Variants in CSMD1 observed in about 807,000 individuals in gnomAD.
CSMD1 encodes CUB and sushi domain-containing protein 1.
Under a neutral mutation model 417.5 loss-of-function variants are expected in CSMD1, and 213 were observed. The observed-to-expected ratio is 0.51, with a 90% CI of 0.46 to 0.57. The LOEUF is 0.57. Ranked by LOEUF, CSMD1 falls within the 20% of genes least tolerant of loss-of-function variation. CSMD1 has a pLI of 0.00. For synonymous variants in CSMD1, 2,862 were observed against 1,736.8 expected (o/e 1.65, Z -16.11); for missense variants, 6,923 against 4,529.7 (o/e 1.53, Z -15.17).
intron 4 of CSMD1, among the ~76,000 whole-genome samples, chr8:4,022,565 C>A (rs149351682): frequency 6.6e-6 from 1 of 152,102 alleles, no homozygotes; most frequent in African/African-American, 2.4e-5. Context: ...ACAGGGTGTG[C>A]ATTGAGGGCA....
chr8:3,943,423 TA>T (rs5889003), intron 5 of CSMD1, among the ~76,000 whole-genome samples: 34 of 137,166 alleles, frequency 2.5e-4, no homozygotes, highest in Admixed American at 6.6e-4. Context: ...TTTTTTTCAT[TA>T]AAAAAAAAAA....
intron 2 of CSMD1, among the ~76,000 whole-genome samples, chr8:4,587,495 AT>A (rs1799767124): frequency 6.6e-6 from 1 of 151,876 alleles, no homozygotes; most frequent in Non-Finnish European, 1.5e-5. Flanking sequence ...ACATATATGT[AT>A]ATATATATGC....
chr8:4,476,774 G>A (rs968008239), intron 2 of CSMD1, among the ~76,000 whole-genome samples: 5 of 152,094 alleles, frequency 3.3e-5, no homozygotes, highest in African/African-American at 7.2e-5. Context: ...GGATTAGATG[G>A]CACAGAGAGC....
At chr8:4,392,380 T>A (rs1803904745) in intron 3 of CSMD1, among the ~76,000 whole-genome samples, 2 of 152,006 alleles carry the variant, frequency 1.3e-5, no homozygotes, top group Admixed American at 1.3e-4. Context: ...AAAATAGAGA[T>A]TAAAATCAGA....
intron 2 of CSMD1, among the ~76,000 whole-genome samples, chr8:4,616,885 T>C (rs1344013476): frequency 6.6e-6 from 1 of 152,208 alleles, no homozygotes; most frequent in African/African-American, 2.4e-5. Flanking sequence ...TATAGTTTGT[T>C]TTACTCTTGC....
At chr8:3,501,706 TAAC>T (rs1310721116) in intron 10 of CSMD1, among the ~76,000 whole-genome samples, 1 of 152,174 alleles carries the variant, frequency 6.6e-6, no homozygotes, top group Non-Finnish European at 1.5e-5. Context: ...AAAAACATGA[TAAC>T]AAGTTTATGT....
chr8:3,783,008 A>G (rs932134277), intron 5 of CSMD1, among the ~76,000 whole-genome samples: 1 of 152,220 alleles, frequency 6.6e-6, no homozygotes, highest in African/African-American at 2.4e-5. Flanking sequence ...ACAACGTCCT[A>G]TAGCACATCG....
intron 32 of CSMD1, among the ~76,000 whole-genome samples, chr8:3,201,075 A>C (rs1796966575): frequency 6.6e-6 from 1 of 152,188 alleles, no homozygotes; most frequent in African/African-American, 2.4e-5. Context: ...TCTGTATGTG[A>C]TTTTAAGGGT....
intron 1 of CSMD1, among the ~76,000 whole-genome samples, chr8:4,701,387 C>A (rs927538385): frequency 3.3e-5 from 5 of 151,620 alleles, no homozygotes; most frequent in Admixed American, 6.6e-5. Flanking sequence ...CCTAACAGAG[C>A]ACCCAGGATG....
At chr8:3,911,356 A>G (rs959158941) in intron 5 of CSMD1, among the ~76,000 whole-genome samples, 17 of 151,016 alleles carry the variant, frequency 1.1e-4, no homozygotes, top group South Asian at 6.3e-4. Flanking sequence ...CTGAAACCCC[A>G]TCTCTACTAA....
chr8:4,697,282 G>T (rs1210053056), intron 1 of CSMD1, among the ~76,000 whole-genome samples: 1 of 152,114 alleles, frequency 6.6e-6, no homozygotes, highest in Non-Finnish European at 1.5e-5. Flanking sequence ...AAGACAAGAT[G>T]AAAACAAGAG....
At chr8:3,326,915 G>A (rs1197036665) in intron 23 of CSMD1, among the ~76,000 whole-genome samples, 1 of 152,042 alleles carries the variant, frequency 6.6e-6, no homozygotes, top group Non-Finnish European at 1.5e-5. Context: ...TTTTGCTCAT[G>A]CCTGTAATCT....
intron 6 of CSMD1, among the ~76,000 whole-genome samples, chr8:3,743,203 G>C (rs1796900602): frequency 6.6e-6 from 1 of 152,180 alleles, no homozygotes; most frequent in African/African-American, 2.4e-5. Flanking sequence ...CATGAATGCA[G>C]AGTGTTCTGC....
At chr8:2,964,431 G>C (rs1216673540) in intron 59 of CSMD1, among the ~76,000 whole-genome samples, 1 of 152,194 alleles carries the variant, frequency 6.6e-6, no homozygotes, top group Admixed American at 6.5e-5. Flanking sequence ...AGTTGGAAGA[G>C]ACCTGAGCTA....
intron 30 of CSMD1, among the ~76,000 whole-genome samples, chr8:3,211,546 C>A (rs1797607228): frequency 3.3e-5 from 5 of 152,192 alleles, no homozygotes. Flanking sequence ...CAGTTACATA[C>A]AGAATTAAGA....
At chr8:3,550,348 C>G (rs1455304935) in intron 10 of CSMD1, among the ~76,000 whole-genome samples, 1 of 152,276 alleles carries the variant, frequency 6.6e-6, no homozygotes, top group Middle Eastern at 3.4e-3. Context: ...CATTCCTACT[C>G]CAGGGCCTTG....
chr8:4,178,213 A>G (rs1016203484), intron 3 of CSMD1, among the ~76,000 whole-genome samples: 1 of 152,206 alleles, frequency 6.6e-6, no homozygotes, highest in Non-Finnish European at 1.5e-5. Flanking sequence ...CCAGCAGCAC[A>G]TCAAAAAGCT....
At chr8:3,284,470 ACTGT>A in intron 25 of CSMD1, 124 bp from the exon 26 acceptor site, 1 of 685,900 alleles carries the variant, frequency 1.5e-6, no homozygotes, top group Non-Finnish European at 2.5e-6. Flanking sequence ...CTCGGTACTT[ACTGT>A]CTGACAATGA....
At chr8:3,224,726 G>C (rs995338030) in intron 27 of CSMD1, among the ~76,000 whole-genome samples, 13 of 152,216 alleles carry the variant, frequency 8.5e-5, no homozygotes, top group Non-Finnish European at 1.9e-4. Context: ...TAGCAAGGCA[G>C]TAATTATGTA....
Sources: gnomAD v4.1 joint callset for allele counts (sites outside exome capture counted in the v4.1 genomes callset) on GRCh38, gnomAD v4.1.1 for gene constraint, MANE v1.5 for transcripts, NCBI Gene and HGNC (gene_info 2026-07-23, HGNC 2026-07-21) for gene names.